NUBPL: variants seen among roughly 807,000 people sequenced by gnomAD.
The protein encoded by NUBPL is NUBP iron-sulfur cluster assembly factor, mitochondrial, also known as iron-sulfur cluster transfer protein NUBPL.
In NUBPL, 31 loss-of-function variants were observed where a neutral mutation model predicts 45.7. That is an observed-to-expected ratio of 0.68 (90% CI 0.51 to 0.92). The LOEUF is 0.92. Ranked by LOEUF, NUBPL falls within the 40% of genes least tolerant of loss-of-function variation. The probability of loss-of-function intolerance (pLI) is 0.00; values close to 1 mark genes in which losing one functional copy is unlikely to be tolerated. For missense variants in NUBPL, 401 were observed against 398.7 expected, an observed-to-expected ratio of 1.01 and a Z score of -0.05; for synonymous variants, 144 against 140.9, an observed-to-expected ratio of 1.02 and a Z score of -0.15.
intron 3 of NUBPL, among the ~76,000 whole-genome samples, chr14:31,577,387 C>A (rs1292817026): frequency 6.6e-6 from 1 of 152,098 alleles, no homozygotes; most frequent in African/African-American, 2.4e-5. Context: ...GGCCTACAGG[C>A]CTCTGCTGAG....
rs772422310 is a variant in NUBPL, at chr14:31,561,436, C to T, written c.-4C>T. 7 of 1,401,740 alleles carry T rather than the reference C, an allele frequency of 5.0e-6. No individual in the cohort carries two copies. In the Admixed American group the frequency reaches 8.0e-5, roughly 16 times the overall value. 86.8% of individuals were successfully genotyped at this position (1,401,740 alleles called of 1,614,324 possible). A position where few individuals can be genotyped will look rare whatever the true frequency, so the allele number is the denominator to read the frequency against. ...CAGCAGGGCTCACAGCAGCGTTCCG[C>T]GTCATGGGGATTTGGCAGCGTCTGC... is the stretch of plus-strand genomic sequence containing the variant. On this transcript the variant is annotated 5_prime_UTR_variant, in exon 1 of 11. Transcript: ENST00000281081.
At chr14:31,772,928 CA>C (rs1247756019) in intron 6 of NUBPL, among the ~76,000 whole-genome samples, 10 of 152,108 alleles carry the variant, frequency 6.6e-5, no homozygotes, top group Admixed American at 1.3e-4. Flanking sequence ...AACTTTTTAT[CA>C]TTTGGGAAGA....
At chr14:31,633,114 AGATGCTGCTGCTTTGCATC>A (rs1161365302) in intron 4 of NUBPL, among the ~76,000 whole-genome samples, 1 of 152,212 alleles carries the variant, frequency 6.6e-6, no homozygotes, top group Non-Finnish European at 1.5e-5. Flanking sequence ...CATCCAGGAA[AGATGCTGCTGCTTTGCATC>A]TTTGGCTGTG....
At chr14:31,775,768 C>CT (rs1367395922) in intron 6 of NUBPL, among the ~76,000 whole-genome samples, 1 of 152,176 alleles carries the variant, frequency 6.6e-6, no homozygotes, top group East Asian at 1.9e-4. Flanking sequence ...TCTAGACTAA[C>CT]TGAGTCTACC....
chr14:31,639,409 C>T (rs557887533), intron 4 of NUBPL, among the ~76,000 whole-genome samples: 9 of 152,242 alleles, frequency 5.9e-5, no homozygotes, highest in Admixed American at 3.3e-4. Context: ...TTTCGTGAAC[C>T]GCAAATGCTG....
chr14:31,714,004 T>C (rs988482356), intron 6 of NUBPL, among the ~76,000 whole-genome samples: 1 of 152,228 alleles, frequency 6.6e-6, no homozygotes, highest in African/African-American at 2.4e-5. Flanking sequence ...ACTGATTGGC[T>C]ATGTAGAAAC....
chr14:31,724,801 A>G (rs1185616175), intron 6 of NUBPL, among the ~76,000 whole-genome samples: 1 of 152,192 alleles, frequency 6.6e-6, no homozygotes, highest in Non-Finnish European at 1.5e-5. Context: ...TGAAAACCGT[A>G]TAGTATAACA....
chr14:31,758,044 C>T (rs1431316823), intron 6 of NUBPL, among the ~76,000 whole-genome samples: 1 of 152,150 alleles, frequency 6.6e-6, no homozygotes, highest in Non-Finnish European at 1.5e-5. Context: ...CTCAGAAGAG[C>T]AGGCTGTCAC....
At chr14:31,799,541 A>G (rs958416598) in intron 7 of NUBPL, among the ~76,000 whole-genome samples, 4 of 152,354 alleles carry the variant, frequency 2.6e-5, no homozygotes, top group African/African-American at 4.8e-5. Flanking sequence ...ACCTCAATAA[A>G]GCAAGTATCG....
At chr14:31,795,129 C>T (rs1423458899) in intron 7 of NUBPL, among the ~76,000 whole-genome samples, 1 of 149,536 alleles carries the variant, frequency 6.7e-6, no homozygotes, top group Non-Finnish European at 1.5e-5. Flanking sequence ...GTTTTGGTTA[C>T]TGTAGCCTTG....
chr14:31,762,905 A>G (rs2038843200), intron 6 of NUBPL, among the ~76,000 whole-genome samples: 1 of 152,290 alleles, frequency 6.6e-6, no homozygotes. Context: ...AATAATTTCT[A>G]TCACAAGCCT....
intron 6 of NUBPL, among the ~76,000 whole-genome samples, chr14:31,751,618 T>C (rs1367610169): frequency 6.6e-6 from 1 of 152,228 alleles, no homozygotes; most frequent in African/African-American, 2.4e-5. Context: ...CTGTGGCTGC[T>C]TCCACAAGCT....
intron 7 of NUBPL, chr14:31,801,078 A>T (rs1463583193): frequency 2.0e-5 from 3 of 152,312 alleles, no homozygotes; most frequent in Admixed American, 2.0e-4. Flanking sequence ...GTCTTAGTGG[A>T]ACTTGGAGCC....
At chr14:31,700,833 C>A (rs928724272) in intron 6 of NUBPL, among the ~76,000 whole-genome samples, 2 of 152,202 alleles carry the variant, frequency 1.3e-5, no homozygotes, top group African/African-American at 2.4e-5. Context: ...CCCTCCCCCC[C>A]ACCACCGTGG....
chr14:31,846,472 T>A lies in NUBPL; in HGVS notation c.695T>A (p.Val232Asp). Residue 232 changes from valine (V) to aspartate (D), a missense_variant and splice_region_variant, in exon 9 of 11, where the codon GTC becomes GAC. Coordinates refer to ENST00000281081, the MANE Select transcript of NUBPL (RefSeq NM_025152.3). ...GATTTCAGTGTGTTTTTATTCTAGG[T>A]CCTTGGCCTTGTCCAAAACATGAGT... is the stretch of plus-strand genomic sequence containing the variant. The part of the protein sequence containing the change: ...AEMFRRVHVP[V>D]LGLVQNMSVF... 2 of 1,610,718 alleles carry A rather than the reference T, an allele frequency of 1.2e-6. No homozygotes were observed. The highest frequency in any genetic ancestry group is 1.1e-5 in the South Asian group (1 of 90,490).
intron 4 of NUBPL, among the ~76,000 whole-genome samples, chr14:31,657,093 T>A (rs1392177950): frequency 6.6e-6 from 1 of 152,220 alleles, no homozygotes; most frequent in East Asian, 1.9e-4. Flanking sequence ...AAATATTAAA[T>A]GGCACAGAAT....
intron 7 of NUBPL, among the ~76,000 whole-genome samples, chr14:31,812,140 A>C (rs534932644): frequency 1.5e-4 from 23 of 152,296 alleles, no homozygotes; most frequent in African/African-American, 5.3e-4. Context: ...TCAGAGTTCA[A>C]ACACCATGCT....
At chr14:31,768,727 A>T (rs906329529) in intron 6 of NUBPL, among the ~76,000 whole-genome samples, 2 of 152,216 alleles carry the variant, frequency 1.3e-5, no homozygotes, top group African/African-American at 4.8e-5. Flanking sequence ...TAGACCTTCA[A>T]CCAAAGAGTG....
chr14:31,821,461 G>A (rs1292158189), intron 7 of NUBPL, among the ~76,000 whole-genome samples: 1 of 152,146 alleles, frequency 6.6e-6, no homozygotes, highest in Non-Finnish European at 1.5e-5. Flanking sequence ...GATAATCAGA[G>A]AAATTCAAAT....
Sources: gnomAD v4.1 joint callset for allele counts (sites outside exome capture counted in the v4.1 genomes callset) on GRCh38, gnomAD v4.1.1 for gene constraint, MANE v1.5 for transcripts, NCBI Gene and HGNC (gene_info 2026-07-23, HGNC 2026-07-21) for gene names.